Variants in PRPS1 observed in about 807,000 individuals in gnomAD.
PRPS1 encodes the protein ribose-phosphate pyrophosphokinase 1.
PRPS1 carries 1 observed loss-of-function variant against 16.9 expected under a neutral mutation model. The ratio of observed to expected loss-of-function variants is 0.06; its 90% CI spans 0.02 to 0.28. The LOEUF (loss-of-function observed/expected upper bound fraction) is 0.28, where lower values mean the gene tolerates loss of function less well. Ranked by LOEUF, PRPS1 falls within the 10% of genes least tolerant of loss-of-function variation. The pLI is 1.00. For missense variants in PRPS1, 47 were observed against 254.0 expected, an observed-to-expected ratio of 0.19 and a Z score of 5.54; for synonymous variants, 70 against 90.2, an observed-to-expected ratio of 0.78 and a Z score of 1.27.
rs1176669185 is a variant in PRPS1, at chrX:107,650,075, C to T, written c.*43C>T. 8 of 1,209,772 alleles carry T rather than the reference C, an allele frequency of 6.6e-6. No individual in the cohort carries two copies. The highest frequency in any genetic ancestry group is 8.9e-6 in the Non-Finnish European group (8 of 894,687). ...CTTTTTGAGAATAAAATCCACCCCA[C>T]CCTTGTTTCCCCTTGGTATTTGATG... On this transcript the variant is annotated 3_prime_UTR_variant, in exon 7 of 7. Transcript: ENST00000372435.
intron 1 of PRPS1, among the ~76,000 whole-genome samples, chrX:107,631,878 G>A (rs1352689495): frequency 8.9e-6 from 1 of 111,756 alleles, no homozygotes; most frequent in African/African-American, 3.3e-5. Context: ...AGTAGAGACA[G>A]GGTTTCACCA....
intron 2 of PRPS1, 132 bp downstream of exon 2, chrX:107,639,610 A>G (rs1925526271): frequency 6.1e-6 from 4 of 653,263 alleles, no homozygotes; most frequent in Non-Finnish European, 9.4e-6. Flanking sequence ...GTATTACCCT[A>G]TCTTCAAAAC....
rs368151489 is a variant in PRPS1, at chrX:107,647,449, C to G, written c.705-157C>G. Among the ~76,000 whole-genome samples, 13 of 111,559 alleles carry G rather than the reference C, an allele frequency of 1.2e-4. No homozygotes were observed. In the East Asian group the frequency reaches 3.6e-3, roughly 31 times the overall value. On this transcript the variant is annotated intron_variant, in intron 5 of 6. Coordinates refer to ENST00000372435, the MANE Select transcript of PRPS1 (RefSeq NM_002764.4). ...TTTTCTTTTCCTTAAAAAAATTTTTCCCCTAACCCACTGTGCCTTATAATA... is the reference window on the plus strand; with the variant it reads ...TTTTCTTTTCCTTAAAAAAATTTTTGCCCTAACCCACTGTGCCTTATAATA...
Position 107,628,545 on chromosome X carries a change from G to A in PRPS1, c.-84G>A. On this transcript the variant is annotated 5_prime_UTR_variant, in exon 1 of 7. Coordinates refer to ENST00000372435, the MANE Select transcript of PRPS1 (RefSeq NM_002764.4). Reference sequence around the variant, plus strand: ...GGCGGAGTAGCAACGCAAAGCGCTTGGTATTGAGTCTGTGGCCGACTTCGG... The same window carrying A: ...GGCGGAGTAGCAACGCAAAGCGCTTAGTATTGAGTCTGTGGCCGACTTCGG... 1.7e-6 allele frequency: 2 copies of A among 1,201,464 alleles called. No individual in the cohort carries two copies. The highest frequency in any genetic ancestry group is 3.0e-5 in the East Asian group (1 of 33,726).
At chrX:107,640,066 C>T (rs971543869) in intron 2 of PRPS1, among the ~76,000 whole-genome samples, 1 of 112,942 alleles carries the variant, frequency 8.9e-6, no homozygotes, top group Admixed American at 9.3e-5. Flanking sequence ...GGGCCGGGTG[C>T]GGTGGCTCAC....
chrX:107,633,307 A>G (rs1358051697), intron 1 of PRPS1, among the ~76,000 whole-genome samples: 1 of 108,336 alleles, frequency 9.2e-6, no homozygotes, highest in African/African-American at 3.4e-5. Context: ...CTGTAGTCCC[A>G]GCTACTCGGG....
chrX:107,633,476 A>G (rs954358880), intron 1 of PRPS1, among the ~76,000 whole-genome samples: 81 of 109,131 alleles, frequency 7.4e-4, no homozygotes, highest in African/African-American at 2.5e-3. Flanking sequence ...CTGTTGATTG[A>G]TTATTAAGTG....
At chrX:107,648,708 G>A (rs989289708) in intron 6 of PRPS1, among the ~76,000 whole-genome samples, 2 of 110,383 alleles carry the variant, frequency 1.8e-5, no homozygotes, top group Non-Finnish European at 3.8e-5. Context: ...CATTCTTAAG[G>A]ATTTTTTTTC....
Position 107,647,724 on chromosome X carries a change from A to G in PRPS1, c.823A>G (p.Ile275Val), listed in dbSNP as rs1263272628. The G allele has an allele frequency of 8.3e-7, 1 of 1,209,948 alleles. No homozygotes were observed. Among genetic ancestry groups the G allele is most frequent in the Non-Finnish European group, 1.1e-6 (1 of 895,142 alleles). ...TGAGGCAGTAGTAGTCACCAATACC[A>G]TACCTCAGGAGGACAAGATGAAGCA... ...CFEAVVVTNT[I>V]PQEDKMKHCS... The change falls in exon 6 of 7, where the codon ATA becomes GTA. Residue 275 changes from isoleucine to valine, a missense_variant. Transcript: ENST00000372435.
At chrX:107,639,622 A>G in intron 2 of PRPS1, 144 bp downstream of exon 2, 4 of 603,607 alleles carry the variant, frequency 6.6e-6, no homozygotes, top group Non-Finnish European at 1.0e-5. Context: ...CTTCAAAACA[A>G]TAGAAATATA....
intron 2 of PRPS1, 53 bp downstream of exon 2, chrX:107,639,531 A>G (rs1925524813): frequency 8.7e-7 from 1 of 1,143,222 alleles, no homozygotes; most frequent in Admixed American, 2.2e-5. Context: ...ACTTGCCCCA[A>G]ATCACAAATA....
At position 107,639,259 on chromosome X, in the gene PRPS1, A is replaced by G. The variant is rs373779872; in HGVS notation, c.123-36A>G. On this transcript the variant is annotated intron_variant, in intron 1 of 6. Coordinates refer to ENST00000372435, the MANE Select transcript of PRPS1 (RefSeq NM_002764.4). ...TGGAGGGCTGACAGTACAGTGGTTT[A>G]AAATCTATTTCATGTTCTTTCTTTC... 1,012 of 1,197,730 alleles carry G rather than the reference A, an allele frequency of 8.4e-4. No individual in the cohort carries two copies. The highest frequency in any genetic ancestry group is 1.0e-3 in the Non-Finnish European group (924 of 883,762).
chrX:107,640,875 T>C (rs368218592), intron 2 of PRPS1, 27 bp from the exon 3 acceptor site: 5 of 1,207,043 alleles, frequency 4.1e-6, no homozygotes, highest in Non-Finnish European at 5.6e-6. Context: ...TTTTTGGTTT[T>C]TCTTTTCTTT....
At chrX:107,635,198 T>C (rs181484489) in intron 1 of PRPS1, among the ~76,000 whole-genome samples, 41 of 112,412 alleles carry the variant, frequency 3.6e-4, no homozygotes, top group Non-Finnish European at 6.0e-4. Flanking sequence ...CTGTCTGATA[T>C]CAATTGTCAA....
intron 4 of PRPS1, among the ~76,000 whole-genome samples, chrX:107,643,936 C>A (rs1925632167): frequency 9.0e-6 from 1 of 111,403 alleles, no homozygotes; most frequent in Non-Finnish European, 1.9e-5. Context: ...ACTCATGTGA[C>A]CATAGTCACA....
intron 4 of PRPS1, among the ~76,000 whole-genome samples, chrX:107,644,710 A>G (rs1339049056): frequency 8.9e-6 from 1 of 112,115 alleles, no homozygotes; most frequent in African/African-American, 3.2e-5. Context: ...TTTGCCTTTG[A>G]GAAGTCAATG....
At chrX:107,640,159 G>A (rs763348546) in intron 2 of PRPS1, among the ~76,000 whole-genome samples, 5 of 112,436 alleles carry the variant, frequency 4.4e-5, no homozygotes, top group African/African-American at 1.6e-4. Flanking sequence ...GGGCAACGCT[G>A]TGAAACTCCG....
chrX:107,638,186 C>T (rs886667396), intron 1 of PRPS1, among the ~76,000 whole-genome samples: 5 of 110,009 alleles, frequency 4.5e-5, no homozygotes, highest in South Asian at 7.8e-4. Context: ...CTTGGCTCAC[C>T]GCAACCTGTG....
chrX:107,645,397 A>C (rs762326136), intron 5 of PRPS1, 47 bp downstream of exon 5: 4 of 1,197,277 alleles, frequency 3.3e-6, no homozygotes, highest in Non-Finnish European at 4.5e-6. Context: ...AAAAGCTAGC[A>C]ATTGCTGTCT....
Sources: gnomAD v4.1 joint callset for allele counts (sites outside exome capture counted in the v4.1 genomes callset) on GRCh38, gnomAD v4.1.1 for gene constraint, MANE v1.5 for transcripts, NCBI Gene and HGNC (gene_info 2026-07-23, HGNC 2026-07-21) for gene names.